Variants in POLK observed in about 807,000 individuals in gnomAD.
POLK encodes the protein polymerase (DNA directed) kappa.
Under a neutral mutation model 94.0 loss-of-function variants are expected in POLK, and 76 were observed. The ratio of observed to expected loss-of-function variants is 0.81; its 90% CI spans 0.67 to 0.98. POLK has a LOEUF of 0.98. Among genes scored for constraint, POLK ranks in the 50% least tolerant of loss-of-function variants. The pLI, the probability that POLK is intolerant of heterozygous loss-of-function variation, is 0.00. For missense variants in POLK, 954 were observed against 1,010.1 expected (o/e 0.94, Z 0.75); for synonymous variants, 349 against 325.4 (o/e 1.07, Z -0.78).
At chr5:75,552,822 G>A (rs1302969505) in intron 3 of POLK, among the ~76,000 whole-genome samples, 2 of 152,108 alleles carry the variant, frequency 1.3e-5, no homozygotes, top group Admixed American at 1.3e-4. Context: ...AAGAGTAAAT[G>A]AAGTCTTAAT....
intron 1 of POLK, among the ~76,000 whole-genome samples, chr5:75,530,245 C>CTTTTTTTTTTTT (rs575507126): frequency 9.4e-4 from 90 of 95,880 alleles, no homozygotes; most frequent in East Asian, 1.3e-3. Context: ...ATTTGTATTT[C>CTTTTTTTTTTTT]TTTTTTTTTT....
intron 11 of POLK, among the ~76,000 whole-genome samples, chr5:75,592,490 G>A (rs542990951): frequency 6.6e-6 from 1 of 152,132 alleles, no homozygotes; most frequent in Non-Finnish European, 1.5e-5. Context: ...AAGGCAGGGG[G>A]ATCACCTGAG....
At chr5:75,582,657 A>G (rs1259404650) in intron 7 of POLK, 1 of 152,222 alleles carries the variant, frequency 6.6e-6, no homozygotes, top group Non-Finnish European at 1.5e-5. Context: ...CCACTATAAA[A>G]ACAATCTGGG....
intron 3 of POLK, among the ~76,000 whole-genome samples, chr5:75,555,808 C>T (rs999526929): frequency 6.6e-6 from 1 of 152,140 alleles, no homozygotes; most frequent in South Asian, 2.1e-4. Flanking sequence ...CTCAGCCTTC[C>T]AAAGTTCTGG....
At chr5:75,535,958 A>T (rs1435522349) in intron 1 of POLK, among the ~76,000 whole-genome samples, 1 of 152,122 alleles carries the variant, frequency 6.6e-6, no homozygotes, top group African/African-American at 2.4e-5. Context: ...CTGACATTTC[A>T]GCCTAGTTAA....
intron 5 of POLK, among the ~76,000 whole-genome samples, chr5:75,574,797 G>A (rs906631360): frequency 1.3e-5 from 2 of 152,184 alleles, no homozygotes; most frequent in African/African-American, 4.8e-5. Flanking sequence ...GGTGGTGGAG[G>A]AGAGGGGAGC....
intron 4 of POLK, among the ~76,000 whole-genome samples, chr5:75,573,445 A>G (rs1771705736): frequency 1.3e-5 from 2 of 152,300 alleles, no homozygotes; most frequent in East Asian, 3.9e-4. Flanking sequence ...GCACACCAAC[A>G]TGGCACATGT....
At chr5:75,541,113 G>A (rs562992246) in intron 1 of POLK, among the ~76,000 whole-genome samples, 15 of 152,018 alleles carry the variant, frequency 9.9e-5, no homozygotes, top group Non-Finnish European at 2.9e-5. Flanking sequence ...GAGAAACCCC[G>A]TCTCTACAAA....
chr5:75,543,549 A>G lies in POLK; in HGVS notation c.-13-3461A>G, dbSNP rs540244537. Among the ~76,000 whole-genome samples, 129 of 152,204 alleles carry G rather than the reference A, an allele frequency of 8.5e-4. No homozygotes were observed. In the Middle Eastern group the frequency reaches 0.01, roughly 12 times the overall value. On this transcript the variant is annotated intron_variant, in intron 1 of 14. Coordinates refer to ENST00000241436, the Ensembl canonical transcript of POLK. ...CCGTAAATGGAGCTGGTTGGAGGGGATGGAGGCAGATGAAAAGATTACTTT... is the reference window on the plus strand; with the variant it reads ...CCGTAAATGGAGCTGGTTGGAGGGGGTGGAGGCAGATGAAAAGATTACTTT...
At chr5:75,577,751 AT>A (rs757177234) in intron 6 of POLK, among the ~76,000 whole-genome samples, 2 of 152,218 alleles carry the variant, frequency 1.3e-5, no homozygotes, top group Non-Finnish European at 2.9e-5. Flanking sequence ...CCACAATGAC[AT>A]TAATCTAACT....
chr5:75,532,404 G>T (rs544917931), intron 1 of POLK, among the ~76,000 whole-genome samples: 1 of 151,694 alleles, frequency 6.6e-6, no homozygotes, highest in African/African-American at 2.4e-5. Flanking sequence ...CCTCAAAGGA[G>T]ATGATCTCAT....
At position 75,583,376 on chromosome 5, in the gene POLK, C is replaced by T. The variant is rs1227168732; in HGVS notation, c.1018C>T (p.Gln340Ter). Residue 340 changes from glutamine to a stop codon, truncating the protein, a stop_gained, in exon 8 of 15, where the codon CAA becomes TAA. Coordinates refer to ENST00000241436, the Ensembl canonical transcript of POLK. LOFTEE classifies it high-confidence loss of function. ...ACAATACCAAATTCTTCCCAATAGACAAGCTGTGATGGACTTCATCAAGGA... is the reference window on the plus strand; with the variant it reads ...ACAATACCAAATTCTTCCCAATAGATAAGCTGTGATGGACTTCATCAAGGA... 6.2e-7 allele frequency: 1 copy of T among 1,604,936 alleles called. No individual in the cohort carries two copies. Among genetic ancestry groups the T allele is most frequent in the Non-Finnish European group, 8.5e-7 (1 of 1,172,430 alleles).
intron 1 of POLK, chr5:75,512,228 AGG>A (rs1768076755): frequency 6.1e-6 from 1 of 162,640 alleles, no homozygotes; most frequent in Non-Finnish European, 1.3e-5. Flanking sequence ...GTAAATCTCG[AGG>A]GTCTTACTCA....
intron 10 of POLK, 51 bp downstream of exon 10, chr5:75,587,109 A>G: frequency 1.9e-6 from 2 of 1,028,106 alleles, no homozygotes; most frequent in Non-Finnish European, 2.9e-6. Context: ...GTTATTTTAA[A>G]CTAATATTGA....
intron 2 of POLK, among the ~76,000 whole-genome samples, chr5:75,548,622 T>C (rs935287041): frequency 7.9e-5 from 12 of 151,728 alleles, no homozygotes; most frequent in Non-Finnish European, 1.6e-4. Context: ...TGTAGAAAGA[T>C]GTAAACTTTA....
At chr5:75,530,164 A>G (rs1011575374) in intron 1 of POLK, among the ~76,000 whole-genome samples, 3 of 151,666 alleles carry the variant, frequency 2.0e-5, no homozygotes, top group South Asian at 2.1e-4. Flanking sequence ...TACTGGGAAG[A>G]TCTCCAGTTG....
intron 3 of POLK, among the ~76,000 whole-genome samples, chr5:75,565,328 G>A (rs1771213314): frequency 6.6e-6 from 1 of 152,134 alleles, no homozygotes; most frequent in Admixed American, 6.5e-5. Context: ...GTTAGAATAT[G>A]CTCCTTTAGC....
chr5:75,577,863 CT>C (rs1162241922), intron 6 of POLK, among the ~76,000 whole-genome samples: 4 of 151,340 alleles, frequency 2.6e-5, no homozygotes, highest in East Asian at 3.9e-4. Context: ...ATAGCTCTCT[CT>C]TTTTTTTTAT....
At chr5:75,545,794 A>C (rs1479722719) in intron 1 of POLK, among the ~76,000 whole-genome samples, 1 of 152,212 alleles carries the variant, frequency 6.6e-6, no homozygotes, top group East Asian at 1.9e-4. Context: ...TAATCTGGGT[A>C]GAAACGTAAG....
Sources: gnomAD v4.1 joint callset for allele counts (sites outside exome capture counted in the v4.1 genomes callset) on GRCh38, gnomAD v4.1.1 for gene constraint, MANE v1.5 for transcripts, NCBI Gene and HGNC (gene_info 2026-07-23, HGNC 2026-07-21) for gene names.